Variants in ANK3 observed in about 807,000 individuals in gnomAD.
The protein encoded by ANK3 is ankyrin-3.
ANK3 carries 57 observed loss-of-function variants against 370.9 expected under a neutral mutation model. That is an observed-to-expected ratio of 0.15 (90% CI 0.12 to 0.19). ANK3 has a LOEUF of 0.19. Among genes scored for constraint, ANK3 ranks in the 10% least tolerant of loss-of-function variants. The pLI is 1.00. For synonymous variants in ANK3, 1,929 were observed against 1,946.3 expected (o/e 0.99, Z 0.23); for missense variants, 4,439 against 5,302.1 (o/e 0.84, Z 5.06).
At chr10:60,107,746 T>C (rs1219254925) in intron 27 of ANK3, among the ~76,000 whole-genome samples, 1 of 151,668 alleles carries the variant, frequency 6.6e-6, no homozygotes, top group Non-Finnish European at 1.5e-5. Context: ...AAGATCTAAT[T>C]ACACACACAC....
At position 60,072,332 on chromosome 10, in the gene ANK3, T is replaced by A; in HGVS notation, c.8549A>T (p.Lys2850Met). Residue 2850 changes from lysine (K) to methionine (M), a missense_variant, in exon 37 of 44, where the codon AAG (lysine) becomes ATG (methionine). Physicochemically the swap from Lys to Met is moderately conservative, Grantham distance 95. Coordinates refer to ENST00000280772, the MANE Select transcript of ANK3 (RefSeq NM_020987.5). ...CGAACTCTCCCATGTTCTAAAGACCTTTTTGTCCCATGGTCCCCTAGTTGC... is the reference window on the plus strand; with the variant it reads ...CGAACTCTCCCATGTTCTAAAGACCATTTTGTCCCATGGTCCCCTAGTTGC... ...DLATRGPWDK[K>M]VFRTWESSGA... The A allele has an allele frequency of 6.2e-7, 1 of 1,613,876 alleles. No individual in the cohort carries two copies. Among genetic ancestry groups the A allele is most frequent in the Non-Finnish European group, 8.5e-7 (1 of 1,179,950 alleles).
At chr10:60,584,438 G>A (rs1419423759) in intron 2 of ANK3, among the ~76,000 whole-genome samples, 4 of 81,814 alleles carry the variant, frequency 4.9e-5, no homozygotes, top group African/African-American at 1.0e-4. Flanking sequence ...AGGCAACAAA[G>A]AAAGACTCTG....
chr10:60,412,224 C>A (rs1453505581), intron 2 of ANK3, among the ~76,000 whole-genome samples: 3 of 152,046 alleles, frequency 2.0e-5, no homozygotes, highest in African/African-American at 7.2e-5. Context: ...GAGGGTGCTT[C>A]CGGATATGAT....
At chr10:60,214,874 C>A (rs1258387643) in intron 8 of ANK3, among the ~76,000 whole-genome samples, 2 of 152,122 alleles carry the variant, frequency 1.3e-5, no homozygotes, top group African/African-American at 2.4e-5. Context: ...TGGGTATATA[C>A]CCAGTAATGG....
chr10:60,263,402 T>C (rs1034847630), intron 6 of ANK3, among the ~76,000 whole-genome samples: 7 of 152,224 alleles, frequency 4.6e-5, no homozygotes, highest in Non-Finnish European at 8.8e-5. Flanking sequence ...GCTGCGGCTC[T>C]CTTGCTGCTG....
chr10:60,689,186 C>G (rs761388891), intron 1 of ANK3, among the ~76,000 whole-genome samples: 1 of 151,996 alleles, frequency 6.6e-6, no homozygotes, highest in Non-Finnish European at 1.5e-5. Context: ...GAGTGCTTGA[C>G]CCCAGGAGTT....
chr10:60,726,619 T>G (rs2079944615), intron 1 of ANK3, among the ~76,000 whole-genome samples: 1 of 152,166 alleles, frequency 6.6e-6, no homozygotes, highest in South Asian at 2.1e-4. Flanking sequence ...TAGCTCTTCC[T>G]AACTCTAAAA....
chr10:60,485,905 G>A (rs1287562483), intron 2 of ANK3, among the ~76,000 whole-genome samples: 1 of 152,118 alleles, frequency 6.6e-6, no homozygotes, highest in African/African-American at 2.4e-5. Flanking sequence ...AGGGGATTGG[G>A]AAAGTTATAA....
chr10:60,608,863 A>G (rs2078164173), intron 2 of ANK3, among the ~76,000 whole-genome samples: 1 of 152,212 alleles, frequency 6.6e-6, no homozygotes, highest in Non-Finnish European at 1.5e-5. Context: ...GGAGATGGGC[A>G]TAGGAAGAAA....
At chr10:60,220,217 G>T (rs1337608664) in intron 8 of ANK3, among the ~76,000 whole-genome samples, 4 of 151,874 alleles carry the variant, frequency 2.6e-5, no homozygotes, top group Non-Finnish European at 5.9e-5. Flanking sequence ...TGAACTAAAA[G>T]GTCAAAATTG....
intron 1 of ANK3, among the ~76,000 whole-genome samples, chr10:60,340,657 C>T (rs2054065312): frequency 6.6e-6 from 1 of 152,094 alleles, no homozygotes. Context: ...AGCAATCCTC[C>T]CTCCTCAGCC....
intron 2 of ANK3, among the ~76,000 whole-genome samples, chr10:60,408,476 C>G (rs1243249898): frequency 2.0e-5 from 3 of 152,130 alleles, no homozygotes; most frequent in African/African-American, 7.2e-5. Flanking sequence ...GCTTTGTCCT[C>G]TGCTTTAAGT....
chr10:60,386,584 T>C (rs573453997), intron 1 of ANK3, among the ~76,000 whole-genome samples: 34 of 152,130 alleles, frequency 2.2e-4, no homozygotes, highest in Non-Finnish European at 4.3e-4. Flanking sequence ...ATTAACATAT[T>C]CAAAATAGAC....
intron 8 of ANK3, among the ~76,000 whole-genome samples, chr10:60,224,447 T>C (rs2097107100): frequency 6.6e-6 from 1 of 152,054 alleles, no homozygotes; most frequent in South Asian, 2.1e-4. Flanking sequence ...CATGCGAAGG[T>C]CAAAAGACTT....
At position 60,105,958 on chromosome 10, in the gene ANK3, T is replaced by C; in HGVS notation, c.3275A>G (p.Gln1092Arg). 6.2e-7 allele frequency: 1 copy of C among 1,612,648 alleles called. No homozygotes were observed. Among genetic ancestry groups the C allele is most frequent in the Non-Finnish European group, 8.5e-7 (1 of 1,179,364 alleles). The change falls in exon 28 of 44, where the codon CAG becomes CGG. Residue 1092 changes from glutamine to arginine, a missense_variant. By Grantham distance (43) the Gln-to-Arg change is conservative. This residue lies in a region of ANK3 where 702 missense variants were observed against 941.5 expected (regional missense o/e 0.75). Transcript: ENST00000280772. ...SENGETWKEH[Q>R]FDSKNEDLTE... ...TAAATCTTCATTTTTGCTGTCAAACTGATGCTCCTTCCAAGTTTCACCATT... is the reference window on the plus strand; with the variant it reads ...TAAATCTTCATTTTTGCTGTCAAACCGATGCTCCTTCCAAGTTTCACCATT...
chr10:60,316,948 G>A (rs879518981), intron 1 of ANK3, among the ~76,000 whole-genome samples: 29 of 152,046 alleles, frequency 1.9e-4, no homozygotes, highest in Admixed American at 1.8e-3. Flanking sequence ...GGGTTTCACC[G>A]TGTTAGCCAG....
chr10:60,670,052 T>A (rs1271798374), intron 1 of ANK3, among the ~76,000 whole-genome samples: 1 of 152,118 alleles, frequency 6.6e-6, no homozygotes, highest in African/African-American at 2.4e-5. Flanking sequence ...CTCAAACTCC[T>A]GGGCTCAAGG....
chr10:60,035,235 C>T (rs1351814072), intron 43 of ANK3, among the ~76,000 whole-genome samples: 1 of 151,818 alleles, frequency 6.6e-6, no homozygotes, highest in Non-Finnish European at 1.5e-5. Context: ...GCTCTATTTT[C>T]TTATTTATTT....
chr10:60,168,367 A>G (rs1316510656), intron 21 of ANK3, among the ~76,000 whole-genome samples: 1 of 152,176 alleles, frequency 6.6e-6, no homozygotes, highest in Non-Finnish European at 1.5e-5. Context: ...TATCACAATT[A>G]ATGAATCAAC....
Sources: allele counts gnomAD v4.1 joint callset (sites outside exome capture counted in the v4.1 genomes callset), GRCh38; gene constraint gnomAD v4.1.1; regional missense constraint gnomAD v4.1.1; transcripts MANE v1.5; gene names NCBI Gene and HGNC (gene_info 2026-07-23, HGNC 2026-07-21).